Variants in DAG1 observed in about 807,000 individuals in gnomAD.
The protein encoded by DAG1 is dystroglycan 1.
In DAG1, 8 loss-of-function variants were observed where a neutral mutation model predicts 46.1. The ratio of observed to expected loss-of-function variants is 0.17; its 90% CI spans 0.10 to 0.31. DAG1 has a LOEUF of 0.31. Ranked by LOEUF, DAG1 falls within the 10% of genes least tolerant of loss-of-function variation. DAG1 has a pLI of 1.00. For synonymous variants in DAG1, 495 were observed against 481.8 expected, an observed-to-expected ratio of 1.03 and a Z score of -0.36; for missense variants, 1,003 against 1,189.9, an observed-to-expected ratio of 0.84 and a Z score of 2.31.
At chr3:49,500,092 AGCC>A (rs1263315072) in intron 1 of DAG1, among the ~76,000 whole-genome samples, 9 of 22,548 alleles carry the variant, frequency 4.0e-4, no homozygotes, top group African/African-American at 1.1e-3. Flanking sequence ...TTCCTGTCTC[AGCC>A]TCCGCTTCCC....
rs1247974786 is a variant in DAG1, at chr3:49,533,014, A to T, written c.2503A>T (p.Ser835Cys). The change falls in exon 3 of 3, where the codon AGT becomes TGT. Residue 835 changes from serine (S) to cysteine (C), a missense_variant. This residue lies in a region of DAG1 where 755 missense variants were observed against 854.1 expected (regional missense o/e 0.88). Transcript: ENST00000308775. Reference sequence around the variant, plus strand: ...ACCCCCTCCTGAGTACCCCAACCAGAGTGTGCCCGAGACCACTCCTCTGAA... The same window carrying T: ...ACCCCCTCCTGAGTACCCCAACCAGTGTGTGCCCGAGACCACTCCTCTGAA... ...PLPPPEYPNQ[S>C]VPETTPLNQD... is the part of the protein sequence containing the mutation. 3 of 1,613,974 alleles carry T rather than the reference A, an allele frequency of 1.9e-6. No individual in the cohort carries two copies. Among genetic ancestry groups the T allele is most frequent in the Non-Finnish European group, 1.7e-6 (2 of 1,179,990 alleles).
intron 1 of DAG1, among the ~76,000 whole-genome samples, chr3:49,499,585 C>T (rs1170649892): frequency 6.6e-6 from 1 of 152,218 alleles, no homozygotes; most frequent in Non-Finnish European, 1.5e-5. Flanking sequence ...TGCGTGGGCA[C>T]TCATAGCTCT....
At chr3:49,491,736 A>C (rs1445945337) in intron 1 of DAG1, among the ~76,000 whole-genome samples, 2 of 151,834 alleles carry the variant, frequency 1.3e-5, no homozygotes, top group Non-Finnish European at 2.9e-5. Flanking sequence ...TCGGCCTCCC[A>C]AAGTGCTAGG....
intron 1 of DAG1, among the ~76,000 whole-genome samples, chr3:49,474,048 T>C (rs1430199385): frequency 6.6e-6 from 1 of 152,022 alleles, no homozygotes; most frequent in Non-Finnish European, 1.5e-5. Context: ...CCATCACTCC[T>C]GGCTAATATA....
In DAG1 at chr3:49,488,972, A is replaced by G. The variant is rs138596149; in HGVS notation, c.-117+18539A>G. ...TTATGTGTTTAGAGATATACATTCA[A>G]TGTGTCATTTGTGGAGAGCTACTGA... On this transcript the variant is annotated intron_variant, in intron 1 of 2. Coordinates refer to ENST00000308775, the MANE Select transcript of DAG1 (RefSeq NM_004393.6). 5.5e-3 allele frequency among the ~76,000 whole-genome samples: 838 copies of G among 152,280 alleles called. 3 individuals carry two copies. Among genetic ancestry groups the G allele is most frequent in the Non-Finnish European group, 8.5e-3 (575 of 68,024 alleles).
At chr3:49,504,761 ATTTTTTT>A (rs57684297) in intron 1 of DAG1, among the ~76,000 whole-genome samples, 3,181 of 89,930 alleles carry the variant, frequency 0.035, 56 homozygotes, top group Middle Eastern at 0.081. Context: ...CGCCCAGCTA[ATTTTTTT>A]TTTTTTTTTT....
Position 49,533,451 on chromosome 3 carries a change from C to T in DAG1, c.*252C>T. 1 of 668,504 alleles carries T rather than the reference C, an allele frequency of 1.5e-6. No individual in the cohort carries two copies. Among genetic ancestry groups the T allele is most frequent in the Non-Finnish European group, 2.7e-6 (1 of 365,482 alleles). 41.4% of individuals were successfully genotyped at this position (668,504 alleles called of 1,614,324 possible). ...GCTTTTGGTTTGTTCATAGAGAATT[C>T]TTCGCTTCATTTTTGATGGCTGGCT... is the stretch of plus-strand genomic sequence containing the variant. On this transcript the variant is annotated 3_prime_UTR_variant, in exon 3 of 3. Transcript: ENST00000308775.
chr3:49,524,640 C>T (rs1385194683), intron 2 of DAG1, among the ~76,000 whole-genome samples: 1 of 151,414 alleles, frequency 6.6e-6, no homozygotes, highest in Non-Finnish European at 1.5e-5. Flanking sequence ...GTGATTGCAC[C>T]ACTGCACTCC....
At chr3:49,474,588 C>T (rs1575332622) in intron 1 of DAG1, among the ~76,000 whole-genome samples, 1 of 151,946 alleles carries the variant, frequency 6.6e-6, no homozygotes, top group Non-Finnish European at 1.5e-5. Context: ...TCAGGTGATC[C>T]ACTCTCCTTG....
At chr3:49,487,591 G>A (rs2050069170) in intron 1 of DAG1, among the ~76,000 whole-genome samples, 1 of 152,040 alleles carries the variant, frequency 6.6e-6, no homozygotes, top group South Asian at 2.1e-4. Context: ...GGTTGGCCCA[G>A]GAGGTGCCTT....
intron 1 of DAG1, among the ~76,000 whole-genome samples, chr3:49,480,267 C>CTTT (rs1043834393): frequency 1.1e-4 from 11 of 100,034 alleles, no homozygotes; most frequent in Non-Finnish European, 1.6e-4. Context: ...TATAACATTT[C>CTTT]TTTTTTTTTT....
intron 2 of DAG1, among the ~76,000 whole-genome samples, chr3:49,512,954 A>G (rs1399372835): frequency 2.0e-5 from 3 of 152,110 alleles, no homozygotes; most frequent in South Asian, 4.1e-4. Flanking sequence ...TCTGAGACCT[A>G]TACTTTGTTA....
chr3:49,504,585 T>C (rs2050546523), intron 1 of DAG1, among the ~76,000 whole-genome samples: 1 of 94,328 alleles, frequency 1.1e-5, no homozygotes, highest in African/African-American at 4.4e-5. Context: ...TTTTTTTTTT[T>C]TTTTTTTTTT....
chr3:49,486,733 C>T (rs934885612), intron 1 of DAG1, among the ~76,000 whole-genome samples: 6 of 151,826 alleles, frequency 4.0e-5, no homozygotes, highest in Admixed American at 1.3e-4. Context: ...GAACTCCTGA[C>T]CTCGGGTGAT....
At chr3:49,507,391 C>T (rs950371457) in intron 1 of DAG1, among the ~76,000 whole-genome samples, 1 of 151,940 alleles carries the variant, frequency 6.6e-6, no homozygotes, top group Non-Finnish European at 1.5e-5. Context: ...GGCAAAACCC[C>T]GTCTCTATTA....
chr3:49,511,224 T>C (rs570573485), intron 2 of DAG1, among the ~76,000 whole-genome samples: 2 of 152,338 alleles, frequency 1.3e-5, no homozygotes, highest in South Asian at 4.1e-4. Flanking sequence ...AGTTCTGCTC[T>C]GATTTGCTGA....
intron 1 of DAG1, among the ~76,000 whole-genome samples, chr3:49,490,035 G>A (rs985590039): frequency 2.0e-5 from 3 of 152,166 alleles, no homozygotes; most frequent in Non-Finnish European, 2.9e-5. Flanking sequence ...ACCATGACCC[G>A]TGTTCCTTTC....
At chr3:49,529,255 A>G (rs1394045588) in intron 2 of DAG1, among the ~76,000 whole-genome samples, 1 of 151,988 alleles carries the variant, frequency 6.6e-6, no homozygotes, top group African/African-American at 2.4e-5. Flanking sequence ...GTGGTCTCTA[A>G]TGCCTGCTGG....
chr3:49,488,504 A>G (rs1286221702), intron 1 of DAG1: 2 of 152,218 alleles, frequency 1.3e-5, no homozygotes, highest in Admixed American at 6.5e-5. Flanking sequence ...ATACTTAGAC[A>G]TTTAGATGTG....
Sources: allele counts gnomAD v4.1 joint callset (sites outside exome capture counted in the v4.1 genomes callset), GRCh38; gene constraint gnomAD v4.1.1; regional missense constraint gnomAD v4.1.1; transcripts MANE v1.5; gene names NCBI Gene and HGNC (gene_info 2026-07-23, HGNC 2026-07-21).